The following HPS3 variants were observed in gnomAD, a reference collection of about 807,000 sequenced individuals.
HPS3 encodes the protein HPS3 biogenesis of lysosomal organelles complex 2 subunit 1.
HPS3 carries 79 observed loss-of-function variants against 110.9 expected under a neutral mutation model. The ratio of observed to expected loss-of-function variants is 0.71; its 90% confidence interval spans 0.59 to 0.86. The LOEUF is 0.86. HPS3 is among the 40% of genes least tolerant of loss of function. The pLI, the probability that HPS3 is intolerant of heterozygous loss-of-function variation, is 0.00. For missense variants in HPS3, 1,197 were observed against 1,206.2 expected (o/e 0.99, Z 0.11); for synonymous variants, 428 against 451.0 (o/e 0.95, Z 0.65).
rs374197403 is a variant in HPS3, at chr3:149,167,238, C to T, written c.2794C>T (p.Arg932Trp). 11 of 1,609,734 alleles carry T rather than the reference C, an allele frequency of 6.8e-6. No homozygotes were observed. The highest frequency in any genetic ancestry group is 4.0e-5 in the African/African-American group (3 of 74,790). ...TAATCATGAACTGAAAGAAGAGAACCGGGTATGCTTTTTCAGATTATGTTT... is the reference window on the plus strand; with the variant it reads ...TAATCATGAACTGAAAGAAGAGAACTGGGTATGCTTTTTCAGATTATGTTT... ...YANHELKEENRTLWWKKLLPE... is the reference protein window; with the variant it reads ...YANHELKEENWTLWWKKLLPE... The change falls in exon 15 of 17, where the codon CGG (arginine) becomes TGG (tryptophan). Residue 932 changes from arginine (R) to tryptophan (W), a missense_variant and splice_region_variant. Arg to Trp is a moderately radical substitution (Grantham distance 101). Coordinates refer to ENST00000296051, the MANE Select transcript of HPS3 (RefSeq NM_032383.5).
rs149620802 is a variant in HPS3 at position 149,145,519 on chromosome 3, C to T, written c.1136C>T (p.Thr379Met). The T allele has an allele frequency of 3.3e-4, 540 of 1,613,962 alleles. No individual in the cohort carries two copies. Among genetic ancestry groups the T allele is most frequent in the Non-Finnish European group, 4.1e-4 (489 of 1,179,976 alleles). The change falls in exon 5 of 17, where the codon ACG (threonine) becomes ATG (methionine). Residue 379 changes from threonine to methionine, a missense_variant. Physicochemically the swap from Thr to Met is moderately conservative, Grantham distance 81. Transcript: ENST00000296051. ...GAAAAGTCTCAGCAGGCAGTACTCA[C>T]GCCACAATTTTTGCACGTCATTACA... ...YPEKSQQAVL[T>M]PQFLHVITSN...
chr3:149,133,321 C>G (rs1721884473), intron 1 of HPS3, among the ~76,000 whole-genome samples: 1 of 151,540 alleles, frequency 6.6e-6, no homozygotes, highest in Non-Finnish European at 1.5e-5. Flanking sequence ...TTTTTTGAGA[C>G]AGAGCTTCAC....
chr3:149,131,873 G>A (rs1318874471), intron 1 of HPS3, among the ~76,000 whole-genome samples: 3 of 152,194 alleles, frequency 2.0e-5, no homozygotes, highest in Non-Finnish European at 4.4e-5. Context: ...GAACACAAAT[G>A]ATTAGAAAGC....
intron 6 of HPS3, among the ~76,000 whole-genome samples, chr3:149,153,198 C>G (rs1295436687): frequency 6.6e-6 from 1 of 152,204 alleles, no homozygotes; most frequent in Non-Finnish European, 1.5e-5. Flanking sequence ...GGGGCACACA[C>G]ACAAGTTCCT....
rs1576687286 is a variant in HPS3, at chr3:149,158,683, C to T, written c.1709C>T (p.Ser570Phe). 1 of 1,613,708 alleles carries T rather than the reference C, an allele frequency of 6.2e-7. No homozygotes were observed. Among genetic ancestry groups the T allele is most frequent in the Admixed American group, 1.7e-5 (1 of 59,992 alleles). ...CCCTTTAGGCTTGACTCCCAGCATT[C>T]TCATCTCACCTTGCCATACTATAAG... ...DCYSRLDSQH[S>F]HLTLPYYKMS... The change falls in exon 10 of 17, where the codon TCT becomes TTT. Residue 570 changes from serine to phenylalanine, a missense_variant. Coordinates refer to ENST00000296051, the MANE Select transcript of HPS3 (RefSeq NM_032383.5).
rs1723525077 is a variant in HPS3, at chr3:149,157,454, G to C, written c.1614G>C (p.Gln538His). Reference protein sequence around the residue: ...LVRAALMDASQLEPGEKAELL... With the variant: ...LVRAALMDASHLEPGEKAELL... Reference sequence around the variant, plus strand: ...GAGCTGCCCTGATGGATGCCAGTCAGCTGGAACCTGGAGAGAAGGCAGAGC... The same window carrying C: ...GAGCTGCCCTGATGGATGCCAGTCACCTGGAACCTGGAGAGAAGGCAGAGC... Residue 538 changes from glutamine (Q) to histidine (H), a missense_variant, in exon 9 of 17, where the codon CAG becomes CAC. Physicochemically the swap from Gln to His is conservative, Grantham distance 24 (BLOSUM62 0). Transcript: ENST00000296051. 6 of 1,613,932 alleles carry C rather than the reference G, an allele frequency of 3.7e-6. No homozygotes were observed. The highest frequency in any genetic ancestry group is 5.1e-6 in the Non-Finnish European group (6 of 1,179,864).
intron 1 of HPS3, among the ~76,000 whole-genome samples, chr3:149,139,045 GTAAA>G (rs1035003022): frequency 3.3e-5 from 5 of 152,200 alleles, no homozygotes; most frequent in South Asian, 2.1e-4. Flanking sequence ...AAATCCCCCA[GTAAA>G]TAAATATATA....
intron 1 of HPS3, among the ~76,000 whole-genome samples, chr3:149,137,644 T>G (rs1029145536): frequency 1.3e-5 from 2 of 152,202 alleles, no homozygotes; most frequent in Non-Finnish European, 2.9e-5. Context: ...TTATTTGGCC[T>G]TAATGAAATT....
chr3:149,142,315 A>G (rs1428876590), intron 4 of HPS3, among the ~76,000 whole-genome samples: 1 of 152,208 alleles, frequency 6.6e-6, no homozygotes, highest in Non-Finnish European at 1.5e-5. Context: ...TGTGGGTTCT[A>G]GCTGGGTATT....
chr3:149,150,270 A>G (rs1723016384), intron 5 of HPS3, among the ~76,000 whole-genome samples: 1 of 152,200 alleles, frequency 6.6e-6, no homozygotes, highest in Admixed American at 6.5e-5. Flanking sequence ...CTGTAAAATG[A>G]AGATACTGAC....
intron 7 of HPS3, chr3:149,153,979 GTCTT>G (rs1253059336): frequency 2.1e-5 from 6 of 282,170 alleles, no homozygotes; most frequent in Non-Finnish European, 3.3e-5. Context: ...ACTTTTTACT[GTCTT>G]TCTTCTTTGA....
intron 7 of HPS3, 199 bp downstream of exon 7, chr3:149,153,847 A>G (rs1468702587): frequency 1.7e-6 from 1 of 604,804 alleles, no homozygotes; most frequent in African/African-American, 1.9e-5. Flanking sequence ...AACTTTTAGG[A>G]GAAAATGGAT....
In HPS3 at chr3:149,140,411, G is replaced by C; in HGVS notation, c.625G>C (p.Val209Leu). ...CATGTCAGACTTAGAAGTCTTAATC[G>C]TAAAACTGGAGTCAGGCCCTAAAAA... Reference protein sequence around the residue: ...AVMSDLEVLIVKLESGPKNGE... With the variant: ...AVMSDLEVLILKLESGPKNGE... The change falls in exon 2 of 17, where the codon GTA becomes CTA. Residue 209 changes from valine (V) to leucine (L), a missense_variant. Transcript: ENST00000296051. 6.2e-7 allele frequency: 1 copy of C among 1,611,354 alleles called. No individual in the cohort carries two copies.
rs1203458289 is a variant in HPS3 at position 149,162,259 on chromosome 3, T to C, written c.2218T>C (p.Leu740=). The part of the protein sequence containing the change: ...ALHLKETQPG[L]LVASVLGLQK... The stretch of plus-strand genomic sequence containing the variant: ...TCACTTGAAGGAAACTCAGCCTGGA[T>C]TGCTTGTGGCTTCAGTTCTGGGCTT... Residue 740 remains leucine, a synonymous_variant, in exon 12 of 17, where the codon TTG becomes CTG. Coordinates refer to ENST00000296051, the MANE Select transcript of HPS3 (RefSeq NM_032383.5). The C allele has an allele frequency of 6.2e-7, 1 of 1,614,022 alleles. No individual in the cohort carries two copies. Among genetic ancestry groups the C allele is most frequent in the East Asian group, 2.2e-5 (1 of 44,874 alleles).
chr3:149,141,692 C>T (rs1321865263), intron 4 of HPS3, among the ~76,000 whole-genome samples: 1 of 151,268 alleles, frequency 6.6e-6, no homozygotes, highest in East Asian at 1.9e-4. Flanking sequence ...CGCCACCAAG[C>T]CCGGCTAAAT....
chr3:149,131,736 T>G (rs992269251), intron 1 of HPS3, among the ~76,000 whole-genome samples: 4 of 152,222 alleles, frequency 2.6e-5, no homozygotes, highest in African/African-American at 7.2e-5. Flanking sequence ...TAGAAATGAT[T>G]AAGCTTAGTG....
chr3:149,168,642 G>A (rs543040596), intron 16 of HPS3, among the ~76,000 whole-genome samples: 11 of 152,108 alleles, frequency 7.2e-5, no homozygotes, highest in East Asian at 1.9e-4. Flanking sequence ...ATGTAAGGCC[G>A]AGTCAGTGGC....
intron 6 of HPS3, 61 bp downstream of exon 6, chr3:149,150,741 C>T (rs1480317924): frequency 3.1e-5 from 40 of 1,292,056 alleles, no homozygotes; most frequent in Non-Finnish European, 4.2e-5. Flanking sequence ...CATGAATACT[C>T]GTAGATTTGC....
chr3:149,170,167 T>C (rs1225959843), intron 16 of HPS3, among the ~76,000 whole-genome samples: 1 of 152,200 alleles, frequency 6.6e-6, no homozygotes, highest in Middle Eastern at 3.2e-3. Flanking sequence ...TAAAGTACTC[T>C]GTGAATTTAA....
Sources: gnomAD v4.1 joint callset for allele counts (sites outside exome capture counted in the v4.1 genomes callset) on GRCh38, gnomAD v4.1.1 for gene constraint, MANE v1.5 for transcripts, NCBI Gene and HGNC (gene_info 2026-07-23, HGNC 2026-07-21) for gene names.